The following CNTN5 variants were observed in gnomAD, a reference collection of about 807,000 sequenced individuals.
CNTN5 encodes the protein contactin-5.
CNTN5 carries 77 observed loss-of-function variants against 129.1 expected under a neutral mutation model. The observed-to-expected ratio is 0.60, with a 90% CI of 0.50 to 0.72. The LOEUF (loss-of-function observed/expected upper bound fraction) is 0.72. Among genes scored for constraint, CNTN5 ranks in the 30% least tolerant of loss-of-function variants. The pLI, the probability that CNTN5 is intolerant of heterozygous loss-of-function variation, is 0.00. For missense variants in CNTN5, 1,478 were observed against 1,328.8 expected, an observed-to-expected ratio of 1.11 and a Z score of -1.75; for synonymous variants, 509 against 465.6, an observed-to-expected ratio of 1.09 and a Z score of -1.20.
At chr11:99,910,018 A>C (rs1297184815) in intron 6 of CNTN5, among the ~76,000 whole-genome samples, 1 of 152,150 alleles carries the variant, frequency 6.6e-6, no homozygotes, top group Non-Finnish European at 1.5e-5. Context: ...AAAGTATTTA[A>C]TCAAATAATT....
chr11:99,355,159 A>G (rs1228692625), intron 2 of CNTN5, among the ~76,000 whole-genome samples: 2 of 152,068 alleles, frequency 1.3e-5, no homozygotes, highest in Non-Finnish European at 2.9e-5. Flanking sequence ...CTTTCCATTG[A>G]TTGTAACATG....
intron 3 of CNTN5, among the ~76,000 whole-genome samples, chr11:99,625,650 T>C (rs1951098788): frequency 6.6e-6 from 1 of 152,116 alleles, no homozygotes; most frequent in South Asian, 2.1e-4. Flanking sequence ...CAGCTATTAA[T>C]AATAAATGAC....
chr11:99,321,564 G>A (rs1269231754), intron 1 of CNTN5, among the ~76,000 whole-genome samples: 4 of 152,022 alleles, frequency 2.6e-5, no homozygotes, highest in Admixed American at 6.6e-5. Context: ...TCTATGTAAT[G>A]TTATCCAAGT....
At chr11:99,727,401 C>T (rs993742305) in intron 3 of CNTN5, among the ~76,000 whole-genome samples, 5 of 150,838 alleles carry the variant, frequency 3.3e-5, no homozygotes, top group East Asian at 1.9e-4. Flanking sequence ...ATGATAAGCC[C>T]GATCTGTCTC....
chr11:99,075,275 A>G (rs1239468704), intron 1 of CNTN5, among the ~76,000 whole-genome samples: 2 of 152,196 alleles, frequency 1.3e-5, no homozygotes, highest in Non-Finnish European at 1.5e-5. Context: ...TTTCTGATGT[A>G]TGGGCCTAAA....
At chr11:99,935,668 G>A (rs1413476715) in intron 7 of CNTN5, among the ~76,000 whole-genome samples, 1 of 151,956 alleles carries the variant, frequency 6.6e-6, no homozygotes, top group Non-Finnish European at 1.5e-5. Flanking sequence ...ATTTCCTTGT[G>A]AGAGAATCAG....
intron 3 of CNTN5, among the ~76,000 whole-genome samples, chr11:99,700,674 T>C (rs1410007988): frequency 6.6e-6 from 1 of 151,236 alleles, no homozygotes; most frequent in African/African-American, 2.4e-5. Context: ...CGAGTAACGG[T>C]AAAAGAAATA....
intron 13 of CNTN5, among the ~76,000 whole-genome samples, chr11:100,079,050 G>A (rs190890897): frequency 6.6e-6 from 1 of 152,082 alleles, no homozygotes; most frequent in African/African-American, 2.4e-5. Flanking sequence ...AGGGGGAAGA[G>A]TGCCTTATAA....
intron 1 of CNTN5, among the ~76,000 whole-genome samples, chr11:99,154,601 C>A (rs1304189289): frequency 6.6e-6 from 1 of 152,098 alleles, no homozygotes; most frequent in Non-Finnish European, 1.5e-5. Flanking sequence ...CAAAGCTGTG[C>A]AGGGGAGGCT....
At chr11:99,762,027 AT>A (rs1306862647) in intron 3 of CNTN5, among the ~76,000 whole-genome samples, 2 of 114,822 alleles carry the variant, frequency 1.7e-5, no homozygotes, top group Non-Finnish European at 3.9e-5. Flanking sequence ...GATGATGGGC[AT>A]TTTTTCATGT....
chr11:99,954,178 T>C (rs1950742876), intron 7 of CNTN5, among the ~76,000 whole-genome samples: 1 of 151,794 alleles, frequency 6.6e-6, no homozygotes, highest in African/African-American at 2.4e-5. Context: ...CATAGAAAAA[T>C]GGGGAAAAAA....
At chr11:99,749,369 A>G (rs1054826312) in intron 3 of CNTN5, among the ~76,000 whole-genome samples, 2 of 152,218 alleles carry the variant, frequency 1.3e-5, no homozygotes, top group Non-Finnish European at 2.9e-5. Flanking sequence ...TTAATATGAT[A>G]GTACCTACTT....
intron 3 of CNTN5, among the ~76,000 whole-genome samples, chr11:99,662,939 T>G: frequency 6.6e-6 from 1 of 152,224 alleles, no homozygotes; most frequent in East Asian, 1.9e-4. Flanking sequence ...GTTTCCTGAT[T>G]TTTGATTAAA....
At chr11:100,311,483 T>C (rs1310484369) in intron 21 of CNTN5, among the ~76,000 whole-genome samples, 2 of 151,902 alleles carry the variant, frequency 1.3e-5, no homozygotes, top group African/African-American at 4.8e-5. Flanking sequence ...ACTATAACTA[T>C]GGGAAATCAT....
chr11:100,291,042 T>G lies in CNTN5; in HGVS notation c.2315-6583T>G, dbSNP rs1418149275. ...TCACTGGCCATCAGAGAAATGCAAA[T>G]CAAAACCACAATGAGATACCATCTC... On this transcript the variant is annotated intron_variant, in intron 18 of 24. Coordinates refer to ENST00000524871, the MANE Select transcript of CNTN5 (RefSeq NM_014361.4). Among the ~76,000 whole-genome samples, 5 of 148,216 alleles carry G rather than the reference T, an allele frequency of 3.4e-5. No individual in the cohort carries two copies. In the East Asian group the frequency reaches 1.0e-3, roughly 30 times the overall value.
chr11:99,892,257 T>C (rs1305134185), intron 6 of CNTN5, among the ~76,000 whole-genome samples: 1 of 152,170 alleles, frequency 6.6e-6, no homozygotes, highest in East Asian at 1.9e-4. Flanking sequence ...TTGCAAAAAT[T>C]TTCTTTCATT....
chr11:99,355,811 G>A (rs369858739), intron 2 of CNTN5, among the ~76,000 whole-genome samples: 1 of 127,828 alleles, frequency 7.8e-6, no homozygotes, highest in African/African-American at 3.1e-5. Context: ...ATCTGTCATG[G>A]TTTTTTTTTG....
intron 3 of CNTN5, among the ~76,000 whole-genome samples, chr11:99,640,012 C>T (rs1278195312): frequency 6.6e-6 from 1 of 152,160 alleles, no homozygotes; most frequent in Non-Finnish European, 1.5e-5. Flanking sequence ...AGATTCACCT[C>T]TGCTTCAGCT....
chr11:99,093,661 T>G (rs1305929424), intron 1 of CNTN5, among the ~76,000 whole-genome samples: 1 of 151,998 alleles, frequency 6.6e-6, no homozygotes, highest in Non-Finnish European at 1.5e-5. Context: ...AATGAATGCT[T>G]TTGTGAAATT....
Sources: allele counts gnomAD v4.1 joint callset (sites outside exome capture counted in the v4.1 genomes callset), GRCh38; gene constraint gnomAD v4.1.1; transcripts MANE v1.5; gene names NCBI Gene and HGNC (gene_info 2026-07-23, HGNC 2026-07-21).